The following LIPG variants were observed in gnomAD, a reference collection of about 807,000 sequenced individuals.
LIPG encodes the protein endothelial lipase.
A neutral mutation model predicts 51.8 loss-of-function variants in LIPG; 34 were observed. The ratio of observed to expected loss-of-function variants is 0.66; its 90% CI spans 0.50 to 0.87. The LOEUF is 0.87. Ranked by LOEUF, LIPG falls within the 40% of genes least tolerant of loss-of-function variation. The pLI is 0.00. For synonymous variants in LIPG, 246 were observed against 246.1 expected, an observed-to-expected ratio of 1.00 and a Z score of 0.00; for missense variants, 580 against 652.7, an observed-to-expected ratio of 0.89 and a Z score of 1.21.
chr18:49,590,337 C>A, intron 9 of LIPG, 164 bp from the exon 10 acceptor site: 1 of 786,868 alleles, frequency 1.3e-6, no homozygotes. Context: ...GAAGGCAGCA[C>A]TCGGGACCTT....
At position 49,594,583 on chromosome 18, in the gene LIPG, G is replaced by C. The variant is rs1454238552; in HGVS notation, c.*4061G>C. On this transcript the variant is annotated 3_prime_UTR_variant, in exon 10 of 10. Transcript: ENST00000261292. ...CTGCTAAAGCCAGCGAGATAGACCAGAGTACCCTTTAAATGATTAAATCCT... is the reference window on the plus strand; with the variant it reads ...CTGCTAAAGCCAGCGAGATAGACCACAGTACCCTTTAAATGATTAAATCCT... The C allele has an allele frequency of 6.6e-6, 1 of 152,220 alleles. No homozygotes were observed. Among genetic ancestry groups the C allele is most frequent in the Non-Finnish European group, 1.5e-5 (1 of 68,046 alleles). The allele number at this position is 152,220 out of a possible 1,614,324, so 9.4% of individuals were successfully genotyped here.
chr18:49,562,051 C>T, upstream of LIPG: 1 of 1,439,080 alleles, frequency 6.9e-7, no homozygotes, highest in Non-Finnish European at 9.1e-7. Flanking sequence ...TCTATAGGAG[C>T]GTGACAGCAG....
rs182938599 is a variant in LIPG at position 49,595,329 on chromosome 18, G to A, written c.*4807G>A. 6.6e-6 allele frequency: 1 copy of A among 152,190 alleles called. No homozygotes were observed. Among genetic ancestry groups the A allele is most frequent in the Non-Finnish European group, 1.5e-5 (1 of 68,038 alleles). The allele number at this position is 152,190 out of a possible 1,614,324, so 9.4% of individuals were successfully genotyped here. A position where few individuals can be genotyped will look rare whatever the true frequency, so the allele number is the denominator to read the frequency against. On this transcript the variant is annotated 3_prime_UTR_variant, in exon 10 of 10. Coordinates refer to ENST00000261292, the MANE Select transcript of LIPG (RefSeq NM_006033.4). ...CAGGAGGTAATCTGGGAAAAGAGCA[G>A]TTAGTTTGGAATCAGAATTCTTGGT...
At position 49,583,669 on chromosome 18, in the gene LIPG, A is replaced by G; in HGVS notation, c.1271A>G (p.Tyr424Cys). 6.2e-7 allele frequency: 1 copy of G among 1,614,204 alleles called. No homozygotes were observed. Among genetic ancestry groups the G allele is most frequent in the Non-Finnish European group, 8.5e-7 (1 of 1,180,032 alleles). ...LTWEGASQSW[Y>C]NLWKEFRSYL... ...TGGGAGGGGGCCTCTCAGTCTTGGTACAACCTGTGGAAGGAGTTTCGCAGC... is the reference window on the plus strand; with the variant it reads ...TGGGAGGGGGCCTCTCAGTCTTGGTGCAACCTGTGGAAGGAGTTTCGCAGC... The change falls in exon 8 of 10, where the codon TAC becomes TGC. Residue 424 changes from tyrosine to cysteine, a missense_variant. Transcript: ENST00000261292.
intron 7 of LIPG, among the ~76,000 whole-genome samples, chr18:49,583,225 TG>T (rs1392694466): frequency 6.6e-6 from 1 of 152,004 alleles, no homozygotes; most frequent in Non-Finnish European, 1.5e-5. Context: ...CGCACTTGAG[TG>T]GGGATGTGAC....
chr18:49,590,441 G>C (rs1394070872), intron 9 of LIPG, 60 bp from the exon 10 acceptor site: 1 of 1,561,750 alleles, frequency 6.4e-7, no homozygotes. Flanking sequence ...CCTGAATACA[G>C]GTTTGCGCGT....
intron 5 of LIPG, among the ~76,000 whole-genome samples, chr18:49,576,324 C>T (rs1173682140): frequency 6.6e-6 from 1 of 151,828 alleles, no homozygotes; most frequent in African/African-American, 2.4e-5. Context: ...TATTTGCATG[C>T]ATATTTTTCC....
chr18:49,583,718 C>G lies in LIPG; in HGVS notation c.1320C>G (p.Pro440=), dbSNP rs1288210962. The part of the protein sequence containing the change: ...FRSYLSQPRN[P]GRELNIRRIR... ...GCTACCTGTCTCAACCCCGCAACCC[C>G]GGACGGGAGCTGAATATCAGGCGCA... Residue 440 remains proline, a synonymous_variant, in exon 8 of 10, where the codon CCC becomes CCG. Transcript: ENST00000261292. The G allele has an allele frequency of 6.2e-7, 1 of 1,614,114 alleles. No homozygotes were observed. The highest frequency in any genetic ancestry group is 8.5e-7 in the Non-Finnish European group (1 of 1,180,034).
chr18:49,588,375 C>T (rs11662596), intron 9 of LIPG, among the ~76,000 whole-genome samples: 57,666 of 151,144 alleles, frequency 0.38, 11,476 homozygotes, highest in East Asian at 0.62. Context: ...CTCCGCCTCC[C>T]GGGTCCAAGT....
chr18:49,566,241 G>A (rs1474709968), intron 2 of LIPG, among the ~76,000 whole-genome samples: 14 of 152,160 alleles, frequency 9.2e-5, no homozygotes, highest in Admixed American at 8.5e-4. Context: ...TTGAGGTCAG[G>A]GGCAGGAGAG....
At chr18:49,582,711 G>C (rs958037475) in intron 7 of LIPG, among the ~76,000 whole-genome samples, 21 of 152,160 alleles carry the variant, frequency 1.4e-4, no homozygotes, top group African/African-American at 4.8e-4. Context: ...GGGATGAATC[G>C]GCATCATGAG....
rs778669925 is a variant in LIPG, at chr18:49,586,754, T to C, written c.1385T>C (p.Phe462Ser). The C allele has an allele frequency of 1.9e-6, 3 of 1,613,628 alleles. No homozygotes were observed. The highest frequency in any genetic ancestry group is 8.5e-7 in the Non-Finnish European group (1 of 1,179,566). Residue 462 changes from phenylalanine to serine, a missense_variant, in exon 9 of 10, where the codon TTT becomes TCT. Transcript: ENST00000261292. ...TTTCTTTTCCCTCCTAGACTGACAT[T>C]TTGTACAGAAGACCCTGAGAACACC... is the stretch of plus-strand genomic sequence containing the variant. ...KSGETQRKLT[F>S]CTEDPENTSI...
intron 1 of LIPG, among the ~76,000 whole-genome samples, chr18:49,564,403 G>T (rs933567046): frequency 6.6e-6 from 1 of 152,216 alleles, no homozygotes; most frequent in African/African-American, 2.4e-5. Context: ...AGCCACAGTG[G>T]CCATCAGTGA....
chr18:49,580,863 C>T (rs55968030), intron 5 of LIPG, among the ~76,000 whole-genome samples: 27,784 of 152,012 alleles, frequency 0.18, 2,800 homozygotes, highest in South Asian at 0.29. Flanking sequence ...TGTGTGTATT[C>T]GTGCTGTCTT....
intron 5 of LIPG, among the ~76,000 whole-genome samples, chr18:49,579,845 C>T (rs2084800052): frequency 8.3e-6 from 1 of 120,626 alleles, no homozygotes; most frequent in Non-Finnish European, 1.7e-5. Context: ...TGGAGTTTCA[C>T]TCTTGTTCCC....
At chr18:49,578,169 G>A (rs2084750004) in intron 5 of LIPG, among the ~76,000 whole-genome samples, 1 of 146,168 alleles carries the variant, frequency 6.8e-6, no homozygotes, top group Admixed American at 6.7e-5. Flanking sequence ...GGGCGGAGAC[G>A]CTCCTCACCT....
intron 6 of LIPG, 123 bp downstream of exon 6, chr18:49,581,780 T>C: frequency 1.6e-6 from 2 of 1,244,344 alleles, no homozygotes; most frequent in Non-Finnish European, 2.3e-6. Flanking sequence ...AATCAAATCG[T>C]TGCAAATCAG....
chr18:49,567,738 T>C, intron 3 of LIPG, 117 bp downstream of exon 3: 1 of 1,045,244 alleles, frequency 9.6e-7, no homozygotes, highest in Non-Finnish European at 1.4e-6. Context: ...TAAAAATCTT[T>C]GAGATTAAAA....
At chr18:49,578,804 C>G (rs928766461) in intron 5 of LIPG, among the ~76,000 whole-genome samples, 4 of 151,276 alleles carry the variant, frequency 2.6e-5, no homozygotes, top group African/African-American at 7.3e-5. Flanking sequence ...GCGGATCACT[C>G]GCGGTTAGGG....
Sources: allele counts gnomAD v4.1 joint callset (sites outside exome capture counted in the v4.1 genomes callset), GRCh38; gene constraint gnomAD v4.1.1; transcripts MANE v1.5; gene names NCBI Gene and HGNC (gene_info 2026-07-23, HGNC 2026-07-21).